FUT8: variants seen among roughly 807,000 people sequenced by gnomAD.
The protein encoded by FUT8 is fucosyltransferase 8.
FUT8 carries 29 observed loss-of-function variants against 71.3 expected under a neutral mutation model. That is an observed-to-expected ratio of 0.41 (90% CI 0.30 to 0.55). FUT8 has a LOEUF of 0.55. Ranked by LOEUF, FUT8 falls within the 20% of genes least tolerant of loss-of-function variation. The probability of loss-of-function intolerance (pLI) is 0.34; values close to 1 mark genes in which losing one functional copy is unlikely to be tolerated. For missense variants in FUT8, 544 were observed against 702.1 expected (o/e 0.77, Z 2.55); for synonymous variants, 254 against 239.3 (o/e 1.06, Z -0.57).
At chr14:65,593,334 G>A (rs1031771012) in intron 3 of FUT8, among the ~76,000 whole-genome samples, 17 of 152,022 alleles carry the variant, frequency 1.1e-4, no homozygotes, top group Admixed American at 5.2e-4. Flanking sequence ...AGTTAAGAGG[G>A]GAATCTACTG....
At chr14:65,632,984 C>T (rs1186287927) in intron 6 of FUT8, among the ~76,000 whole-genome samples, 1 of 139,270 alleles carries the variant, frequency 7.2e-6, no homozygotes, top group African/African-American at 3.0e-5. Context: ...GTCCTTTGCT[C>T]TCCCCTCTCC....
At chr14:65,692,502 G>C (rs1187885309) in intron 7 of FUT8, among the ~76,000 whole-genome samples, 1 of 70,792 alleles carries the variant, frequency 1.4e-5, no homozygotes, top group African/African-American at 4.5e-5. Context: ...GCCGGGCGGG[G>C]GGCTGACCCC....
chr14:65,431,266 T>C (rs1255105845), intron 1 of FUT8, among the ~76,000 whole-genome samples: 4 of 148,716 alleles, frequency 2.7e-5, no homozygotes, highest in Non-Finnish European at 4.4e-5. Context: ...CCTCCCAAAG[T>C]GTGGGATTAC....
intron 7 of FUT8, among the ~76,000 whole-genome samples, chr14:65,706,675 A>G (rs575101660): frequency 8.3e-4 from 127 of 152,216 alleles, no homozygotes; most frequent in Admixed American, 1.9e-3. Context: ...GAAGGGGCAA[A>G]CAAGTTCTCT....
chr14:65,531,440 T>C (rs1389295029), intron 2 of FUT8, among the ~76,000 whole-genome samples: 2 of 152,040 alleles, frequency 1.3e-5, no homozygotes, highest in African/African-American at 4.8e-5. Context: ...AGGTGTTGTG[T>C]GCCCAGGGCA....
At chr14:65,496,671 A>G (rs923826226) in intron 2 of FUT8, among the ~76,000 whole-genome samples, 24 of 152,156 alleles carry the variant, frequency 1.6e-4, no homozygotes, top group African/African-American at 4.8e-4. Context: ...CTCCCCAGCC[A>G]TGCAGAACTG....
upstream of FUT8, among the ~76,000 whole-genome samples, chr14:65,406,920 G>A (rs561539843): frequency 1.4e-4 from 21 of 152,304 alleles, no homozygotes; most frequent in African/African-American, 4.8e-4. Context: ...GGTATGATTT[G>A]ATTGGATCCT....
intron 3 of FUT8, among the ~76,000 whole-genome samples, chr14:65,602,557 A>G (rs1466766497): frequency 6.6e-6 from 1 of 151,508 alleles, no homozygotes; most frequent in Non-Finnish European, 1.5e-5. Context: ...TGCTGGATCA[A>G]ATGGTAGTTC....
intron 2 of FUT8, among the ~76,000 whole-genome samples, chr14:65,524,835 G>T (rs1489581431): frequency 6.6e-6 from 1 of 152,118 alleles, no homozygotes; most frequent in Non-Finnish European, 1.5e-5. Flanking sequence ...AGATAATCAT[G>T]TGGTTTTTGT....
chr14:65,710,110 T>C (rs1376514312), intron 7 of FUT8, among the ~76,000 whole-genome samples: 1 of 152,226 alleles, frequency 6.6e-6, no homozygotes, highest in African/African-American at 2.4e-5. Flanking sequence ...GAACTTCAGC[T>C]TAGAGTTTTC....
rs763669027 is a variant in FUT8 at position 65,616,679 on chromosome 14, A to G, written c.482+306A>G. Among the ~76,000 whole-genome samples, 30 of 152,344 alleles carry G rather than the reference A, an allele frequency of 2.0e-4. No homozygotes were observed. In the Middle Eastern group the frequency reaches 0.01, roughly 52 times the overall value. ...ATATCTTTCTATAAATGTTCTTTAT[A>G]TATAATCAGTATTTGAAGTGGAGTG... On this transcript the variant is annotated intron_variant, in intron 5 of 10. Transcript: ENST00000673929.
At chr14:65,539,945 A>G (rs532149739) in intron 2 of FUT8, among the ~76,000 whole-genome samples, 1 of 152,330 alleles carries the variant, frequency 6.6e-6, no homozygotes, top group South Asian at 2.1e-4. Flanking sequence ...AAAACATATT[A>G]ACTTTTCTCT....
intron 7 of FUT8, among the ~76,000 whole-genome samples, chr14:65,705,563 A>G (rs1482397362): frequency 6.6e-6 from 1 of 152,214 alleles, no homozygotes; most frequent in African/African-American, 2.4e-5. Context: ...CTAAGAACCT[A>G]ATCGGAGTCA....
Position 65,714,967 on chromosome 14 carries a change from A to T in FUT8, c.836-6808A>T, listed in dbSNP as rs1594928983. Among the ~76,000 whole-genome samples the T allele has an allele frequency of 2.0e-5, 3 of 151,706 alleles. No homozygotes were observed. The South Asian group carries it at 6.2e-4, about 32-fold the overall frequency. On this transcript the variant is annotated intron_variant, in intron 7 of 10. Transcript: ENST00000673929. ...ACTTTACTGAATTTATCAGTTCTAA[A>T]TTTTTTTTTGTAGAATCTTTAGGTT...
At chr14:65,438,091 A>C (rs552529485) in intron 1 of FUT8, among the ~76,000 whole-genome samples, 1 of 152,304 alleles carries the variant, frequency 6.6e-6, no homozygotes, top group South Asian at 2.1e-4. Flanking sequence ...GGGGATAAGA[A>C]GTTGTCTAAA....
intron 1 of FUT8, chr14:65,430,122 C>T (rs1247549019): frequency 6.6e-6 from 1 of 151,456 alleles, no homozygotes. Flanking sequence ...GGGGCAGAAT[C>T]TATCCTCCCA....
the FUT8 span, among the ~76,000 whole-genome samples, chr14:65,378,150 C>G: frequency 2.6e-5 from 4 of 152,106 alleles, no homozygotes; most frequent in African/African-American, 7.2e-5. Flanking sequence ...TGTAATGGAG[C>G]CAGCTGTATG....
rs1373347699 is a variant in FUT8 at position 65,493,237 on chromosome 14, T to C, written c.-228+37519T>C. Reference sequence around the variant, plus strand: ...ATTTCAGTCATCTGTGAAGATACTTTTTACAGAATCCCAGACTTAGCTTGA... The same window carrying C: ...ATTTCAGTCATCTGTGAAGATACTTCTTACAGAATCCCAGACTTAGCTTGA... On this transcript the variant is annotated intron_variant, in intron 2 of 10. Coordinates refer to ENST00000673929, the MANE Select transcript of FUT8 (RefSeq NM_001371533.1). Among the ~76,000 whole-genome samples, 7 of 152,152 alleles carry C rather than the reference T, an allele frequency of 4.6e-5. No homozygotes were observed. The East Asian group carries it at 1.3e-3, about 29-fold the overall frequency.
intron 7 of FUT8, among the ~76,000 whole-genome samples, chr14:65,695,152 A>G (rs1893928908): frequency 6.6e-6 from 1 of 152,186 alleles, no homozygotes; most frequent in African/African-American, 2.4e-5. Context: ...CTGTGGCTAG[A>G]TGAAGTATTC....
Sources: gnomAD v4.1 joint callset for allele counts (sites outside exome capture counted in the v4.1 genomes callset) on GRCh38, gnomAD v4.1.1 for gene constraint, MANE v1.5 for transcripts, NCBI Gene and HGNC (gene_info 2026-07-23, HGNC 2026-07-21) for gene names.